Variants in RHCE observed in about 807,000 individuals in gnomAD.
RHCE encodes the protein Rh blood group CcEe antigens.
A neutral mutation model predicts 43.8 loss-of-function variants in RHCE; 22 were observed. The observed-to-expected ratio is 0.50, with a 90% CI of 0.36 to 0.72. The LOEUF is 0.72. Ranked by LOEUF, RHCE falls within the 30% of genes least tolerant of loss-of-function variation. The probability of loss-of-function intolerance (pLI) is 0.00; values close to 1 mark genes in which losing one functional copy is unlikely to be tolerated. For synonymous variants in RHCE, 156 were observed against 210.7 expected, an observed-to-expected ratio of 0.74 and a Z score of 2.25; for missense variants, 385 against 525.4, an observed-to-expected ratio of 0.73 and a Z score of 2.61.
At chr1:25,425,487 T>C (rs1183949297), upstream of RHCE, among the ~76,000 whole-genome samples, 2 of 152,190 alleles carry the variant, frequency 1.3e-5, no homozygotes, top group Non-Finnish European at 1.5e-5. Context: ...GCTAATCACT[T>C]TGCAATTCTG....
chr1:25,370,602 T>G (rs1553153583), intron 8 of RHCE, 62 bp from the exon 9 acceptor site: 2 of 1,409,054 alleles, frequency 1.4e-6, no homozygotes, highest in South Asian at 2.3e-5. Context: ...ATCTCAAGAT[T>G]AATCAAAATA....
At chr1:25,402,057 A>G (rs1212842332) in intron 3 of RHCE, among the ~76,000 whole-genome samples, 4 of 151,848 alleles carry the variant, frequency 2.6e-5, no homozygotes, top group Non-Finnish European at 5.9e-5. Context: ...TTGTATTTTT[A>G]GTAGAGATGA....
chr1:25,376,245 A>G (rs1645783148), intron 7 of RHCE, among the ~76,000 whole-genome samples: 1 of 152,174 alleles, frequency 6.6e-6, no homozygotes, highest in Admixed American at 6.5e-5. Flanking sequence ...AGGCAACCCC[A>G]GGGGTTCAAT....
At chr1:25,425,528 AT>A (rs1439225785), upstream of RHCE, among the ~76,000 whole-genome samples, 1 of 152,160 alleles carries the variant, frequency 6.6e-6, no homozygotes, top group Non-Finnish European at 1.5e-5. Context: ...CCCAGTCTCA[AT>A]TTCCTTATGA....
chr1:25,407,415 T>G (rs1454420488), intron 2 of RHCE, among the ~76,000 whole-genome samples: 1 of 123,166 alleles, frequency 8.1e-6, no homozygotes, highest in African/African-American at 2.5e-5. Context: ...AGCTTCCACT[T>G]CCTTACCTGT....
At chr1:25,382,633 T>G (rs1646034525) in intron 7 of RHCE, among the ~76,000 whole-genome samples, 2 of 151,970 alleles carry the variant, frequency 1.3e-5, no homozygotes, top group Admixed American at 1.3e-4. Flanking sequence ...GCTCAACACA[T>G]GTCCTCACAG....
chr1:25,421,675 A>C (rs1187624098), upstream of RHCE, among the ~76,000 whole-genome samples: 1 of 152,182 alleles, frequency 6.6e-6, no homozygotes, highest in Non-Finnish European at 1.5e-5. Context: ...CCCTGCAGCC[A>C]ACTTCCCGGA....
chr1:25,382,440 A>T (rs1646028904), intron 7 of RHCE, among the ~76,000 whole-genome samples: 1 of 147,056 alleles, frequency 6.8e-6, no homozygotes, highest in Non-Finnish European at 1.5e-5. Context: ...AGCTTATACT[A>T]TATAAGTTGG....
intron 2 of RHCE, among the ~76,000 whole-genome samples, chr1:25,408,367 C>G (rs953538998): frequency 8.2e-6 from 1 of 122,272 alleles, no homozygotes; most frequent in African/African-American, 2.5e-5. Context: ...TTCCTTCTTA[C>G]GTTTTCCATA....
chr1:25,381,269 G>A (rs991241485), intron 7 of RHCE, among the ~76,000 whole-genome samples: 8 of 152,086 alleles, frequency 5.3e-5, no homozygotes, highest in Non-Finnish European at 1.2e-4. Flanking sequence ...TTTCCAACAC[G>A]TGGTTCTTCA....
chr1:25,370,915 ATTTT>A (rs77875421), intron 8 of RHCE, among the ~76,000 whole-genome samples: 2 of 124,758 alleles, frequency 1.6e-5, no homozygotes. Flanking sequence ...CATCCAGCTA[ATTTT>A]TTTTTTTTTT....
chr1:25,421,572 A>G (rs2042760538), upstream of RHCE, among the ~76,000 whole-genome samples: 1 of 152,176 alleles, frequency 6.6e-6, no homozygotes, highest in Admixed American at 6.5e-5. Context: ...AGTGCATCTG[A>G]GGAAGGCCAC....
intron 2 of RHCE, among the ~76,000 whole-genome samples, chr1:25,407,755 T>G (rs1339159057): frequency 1.6e-5 from 2 of 123,718 alleles, no homozygotes; most frequent in Non-Finnish European, 3.7e-5. Context: ...ATCACCCAGG[T>G]GAACACAGAG....
At chr1:25,388,104 C>A (rs1646241533) in intron 6 of RHCE, among the ~76,000 whole-genome samples, 1 of 150,638 alleles carries the variant, frequency 6.6e-6, no homozygotes, top group South Asian at 2.1e-4. Flanking sequence ...CTGCGCCCAG[C>A]CAGTTTTTCC....
At chr1:25,398,974 T>G (rs1430497807) in intron 3 of RHCE, 1 of 1,160,968 alleles carries the variant, frequency 8.6e-7, no homozygotes, top group African/African-American at 1.5e-5. Flanking sequence ...GCTGCTTATT[T>G]GAATCCTTGC....
At chr1:25,400,082 C>A (rs1165848882) in intron 3 of RHCE, among the ~76,000 whole-genome samples, 6 of 152,280 alleles carry the variant, frequency 3.9e-5, no homozygotes, top group African/African-American at 1.4e-4. Context: ...TGCTTTCCAA[C>A]TCAAAGGCTT....
At chr1:25,406,258 T>C (rs80171659) in intron 2 of RHCE, among the ~76,000 whole-genome samples, 35,740 of 71,886 alleles carry the variant, frequency 0.5, 11,418 homozygotes, top group East Asian at 0.79. Flanking sequence ...TGCGTGTGTG[T>C]GTGTGTGTGT....
rs187714562 is a variant in RHCE at position 25,391,786 on chromosome 1, G to A, written c.634+208C>T. Among the ~76,000 whole-genome samples the A allele has an allele frequency of 3.4e-3, 525 of 152,242 alleles. 1 individual carries two copies. Among genetic ancestry groups the A allele is most frequent in the Non-Finnish European group, 5.7e-3 (391 of 68,022 alleles). On this transcript the variant is annotated intron_variant, in intron 4 of 9. Transcript: ENST00000294413. ...CATAATGAGTCTCTCCTTTCTAGTG[G>A]ATATTAATGAAGAGAGGTCCCTAAA...
At chr1:25,422,647 T>C (rs1350855566), upstream of RHCE, among the ~76,000 whole-genome samples, 3 of 152,206 alleles carry the variant, frequency 2.0e-5, no homozygotes, top group Non-Finnish European at 4.4e-5. Context: ...GCAGTAGAGC[T>C]GGGATTTAAA....
Sources: gnomAD v4.1 joint callset for allele counts (sites outside exome capture counted in the v4.1 genomes callset) on GRCh38, gnomAD v4.1.1 for gene constraint, MANE v1.5 for transcripts, NCBI Gene and HGNC (gene_info 2026-07-23, HGNC 2026-07-21) for gene names.